The following ADGRL2 variants were observed in gnomAD, a reference collection of about 807,000 sequenced individuals.
The protein encoded by ADGRL2 is adhesion G protein-coupled receptor L2.
In ADGRL2, 44 loss-of-function variants were observed where a neutral mutation model predicts 157.4. That is an observed-to-expected ratio of 0.28 (90% CI 0.22 to 0.36). The LOEUF is 0.36. Among genes scored for constraint, ADGRL2 ranks in the 10% least tolerant of loss-of-function variants. The probability of loss-of-function intolerance (pLI) is 1.00; values close to 1 mark genes in which losing one functional copy is unlikely to be tolerated. For synonymous variants in ADGRL2, 585 were observed against 624.7 expected, an observed-to-expected ratio of 0.94 and a Z score of 0.95; for missense variants, 1,510 against 1,768.9, an observed-to-expected ratio of 0.85 and a Z score of 2.63.
intron 1 of ADGRL2, among the ~76,000 whole-genome samples, chr1:81,705,088 T>C (rs1317149047): frequency 6.6e-6 from 1 of 152,222 alleles, no homozygotes; most frequent in Non-Finnish European, 1.5e-5. Flanking sequence ...AGTCCCGCTC[T>C]GTCGCCCAGG....
intron 1 of ADGRL2, among the ~76,000 whole-genome samples, chr1:81,716,527 A>T (rs2084122692): frequency 6.6e-6 from 1 of 152,154 alleles, no homozygotes; most frequent in Non-Finnish European, 1.5e-5. Flanking sequence ...ACCAACAACA[A>T]ACTGAGTAAT....
rs192521588 is a variant in ADGRL2, at chr1:81,811,323, C to T, written c.-101+10255C>T. Among the ~76,000 whole-genome samples, 5 of 151,736 alleles carry T rather than the reference C, an allele frequency of 3.3e-5. No homozygotes were observed. The East Asian group carries it at 5.8e-4, about 18-fold the overall frequency. Reference sequence around the variant, plus strand: ...TTTTAAAAAGTCACTTCTTATAAGCCTGTCAGTTCATTTCTAGGTAAGTCA... The same window carrying T: ...TTTTAAAAAGTCACTTCTTATAAGCTTGTCAGTTCATTTCTAGGTAAGTCA... On this transcript the variant is annotated intron_variant, in intron 1 of 23. Coordinates refer to ENST00000686636, the MANE Select transcript of ADGRL2 (RefSeq NM_001366006.2).
At chr1:81,755,583 T>C (rs2085659640) in intron 1 of ADGRL2, among the ~76,000 whole-genome samples, 1 of 152,150 alleles carries the variant, frequency 6.6e-6, no homozygotes, top group Non-Finnish European at 1.5e-5. Context: ...ATTATTTTAC[T>C]GAGAAACTGC....
intron 2 of ADGRL2, among the ~76,000 whole-genome samples, chr1:81,446,344 AC>A (rs925065040): frequency 6.6e-6 from 1 of 152,090 alleles, no homozygotes; most frequent in Non-Finnish European, 1.5e-5. Context: ...AACCTACAAA[AC>A]AAAAAGCCTT....
intron 2 of ADGRL2, among the ~76,000 whole-genome samples, chr1:81,553,251 T>C (rs1457481347): frequency 6.6e-6 from 1 of 152,220 alleles, no homozygotes; most frequent in Non-Finnish European, 1.5e-5. Flanking sequence ...CTGCATATAA[T>C]AAAGATTAGA....
chr1:81,699,607 C>G (rs2083516810), upstream of ADGRL2: 1 of 152,160 alleles, frequency 6.6e-6, no homozygotes, highest in Admixed American at 6.5e-5. Context: ...AAATTCATGC[C>G]AATATGACAC....
At chr1:81,310,041 G>T (rs1054597686) in intron 1 of ADGRL2, among the ~76,000 whole-genome samples, 1 of 152,060 alleles carries the variant, frequency 6.6e-6, no homozygotes, top group Non-Finnish European at 1.5e-5. Flanking sequence ...GGTAGTAGTG[G>T]CTCTTTTCCT....
At chr1:81,671,922 T>C (rs1001263628) in intron 3 of ADGRL2, among the ~76,000 whole-genome samples, 12 of 152,250 alleles carry the variant, frequency 7.9e-5, no homozygotes, top group Admixed American at 1.3e-4. Context: ...TATATGGATA[T>C]GTTTGTGTGT....
intron 2 of ADGRL2, among the ~76,000 whole-genome samples, chr1:81,451,258 T>C (rs1055184306): frequency 1.3e-5 from 2 of 152,198 alleles, no homozygotes; most frequent in South Asian, 2.1e-4. Context: ...CGTCCTTCTA[T>C]GGAAATCCTC....
At chr1:81,965,979 T>A in intron 11 of ADGRL2, 79 bp from the exon 12 acceptor site, 1 of 1,409,258 alleles carries the variant, frequency 7.1e-7, no homozygotes, top group Non-Finnish European at 9.8e-7. Flanking sequence ...GTAGTTTCCA[T>A]ACAGTTATCA....
chr1:81,509,732 T>G (rs1557745531), intron 2 of ADGRL2, among the ~76,000 whole-genome samples: 1 of 152,208 alleles, frequency 6.6e-6, no homozygotes, highest in Non-Finnish European at 1.5e-5. Flanking sequence ...ACAACTGGCA[T>G]GAAGCTGAAC....
At chr1:81,555,616 G>A (rs150973391) in intron 2 of ADGRL2, among the ~76,000 whole-genome samples, 2 of 151,866 alleles carry the variant, frequency 1.3e-5, no homozygotes, top group African/African-American at 2.4e-5. Flanking sequence ...AATTTGAGGC[G>A]ACCTGAAAAA....
intron 1 of ADGRL2, among the ~76,000 whole-genome samples, chr1:81,715,318 T>C (rs1405426441): frequency 3.3e-5 from 5 of 151,072 alleles, no homozygotes; most frequent in Non-Finnish European, 5.9e-5. Flanking sequence ...TAAAGAGACA[T>C]ATATATATAT....
intron 1 of ADGRL2, among the ~76,000 whole-genome samples, chr1:81,421,958 C>A (rs1485716690): frequency 3.3e-5 from 5 of 152,058 alleles, no homozygotes; most frequent in Non-Finnish European, 5.9e-5. Flanking sequence ...CTCTATATAC[C>A]ATTGAAAGAG....
chr1:81,946,261 G>A lies in ADGRL2; in HGVS notation c.1210+2492G>A, dbSNP rs111711986. Reference sequence around the variant, plus strand: ...TTGTGGACTGTTTAATAATATATTAGCCTCAATACTTTTTCCCATTTATAA... The same window carrying A: ...TTGTGGACTGTTTAATAATATATTAACCTCAATACTTTTTCCCATTTATAA... On this transcript the variant is annotated intron_variant, in intron 6 of 23. Transcript: ENST00000686636. Among the ~76,000 whole-genome samples the A allele has an allele frequency of 8.6e-3, 1,294 of 150,746 alleles. 18 individuals carry two copies. The highest frequency in any genetic ancestry group is 0.03 in the African/African-American group (1,235 of 41,120).
chr1:81,680,122 T>C (rs2083078425), intron 3 of ADGRL2, among the ~76,000 whole-genome samples: 1 of 152,198 alleles, frequency 6.6e-6, no homozygotes, highest in African/African-American at 2.4e-5. Flanking sequence ...CACTGTTCCC[T>C]TGGGCTCCTA....
At chr1:81,533,619 A>G (rs962012296) in intron 2 of ADGRL2, among the ~76,000 whole-genome samples, 1 of 152,254 alleles carries the variant, frequency 6.6e-6, no homozygotes, top group African/African-American at 2.4e-5. Context: ...TAAAATACCG[A>G]GAGCTACTCT....
intron 2 of ADGRL2, among the ~76,000 whole-genome samples, chr1:81,874,415 A>T (rs2093775322): frequency 6.6e-6 from 1 of 152,192 alleles, no homozygotes; most frequent in Non-Finnish European, 1.5e-5. Context: ...TATGAAGTTG[A>T]TGGGATTATG....
chr1:81,416,092 C>T (rs2077028619), intron 1 of ADGRL2, among the ~76,000 whole-genome samples: 1 of 151,862 alleles, frequency 6.6e-6, no homozygotes, highest in Admixed American at 6.6e-5. Context: ...CCTCACGATC[C>T]GCCCACCTCG....
Sources: gnomAD v4.1 joint callset for allele counts (sites outside exome capture counted in the v4.1 genomes callset) on GRCh38, gnomAD v4.1.1 for gene constraint, MANE v1.5 for transcripts, NCBI Gene and HGNC (gene_info 2026-07-23, HGNC 2026-07-21) for gene names.